The following CNTNAP5 variants were observed in gnomAD, a reference collection of about 807,000 sequenced individuals.
CNTNAP5 encodes contactin-associated protein-like 5.
CNTNAP5 carries 72 observed loss-of-function variants against 150.2 expected under a neutral mutation model. The observed-to-expected ratio is 0.48, with a 90% CI of 0.40 to 0.58. The LOEUF (loss-of-function observed/expected upper bound fraction) is 0.58. Among genes scored for constraint, CNTNAP5 ranks in the 20% least tolerant of loss-of-function variants. The pLI is 0.00. For synonymous variants in CNTNAP5, 672 were observed against 619.8 expected (o/e 1.08, Z -1.25); for missense variants, 1,636 against 1,626.2 (o/e 1.01, Z -0.10).
At chr2:124,051,720 A>G (rs1681701921) in intron 1 of CNTNAP5, among the ~76,000 whole-genome samples, 1 of 152,178 alleles carries the variant, frequency 6.6e-6, no homozygotes, top group Admixed American at 6.6e-5. Context: ...TCACTTGCAA[A>G]ATGGCTATAG....
At chr2:124,457,571 G>A (rs549038335) in intron 6 of CNTNAP5, among the ~76,000 whole-genome samples, 9 of 152,082 alleles carry the variant, frequency 5.9e-5, no homozygotes, top group Non-Finnish European at 1.0e-4. Context: ...AAGTTCCAGG[G>A]TACATGTATA....
intron 5 of CNTNAP5, among the ~76,000 whole-genome samples, chr2:124,438,635 C>T (rs1323438875): frequency 1.3e-5 from 2 of 152,072 alleles, no homozygotes; most frequent in African/African-American, 4.8e-5. Flanking sequence ...ACTGAGATGC[C>T]AGAGAAAGTT....
intron 1 of CNTNAP5, among the ~76,000 whole-genome samples, chr2:124,196,778 A>G (rs1023644076): frequency 6.6e-6 from 1 of 152,218 alleles, no homozygotes; most frequent in Non-Finnish European, 1.5e-5. Flanking sequence ...AAGCTTACAC[A>G]GGGTCACACA....
intron 6 of CNTNAP5, among the ~76,000 whole-genome samples, chr2:124,467,841 T>C (rs901288666): frequency 1.3e-5 from 2 of 152,210 alleles, no homozygotes; most frequent in Non-Finnish European, 2.9e-5. Flanking sequence ...CTGGATTCAA[T>C]ATGCTCATCA....
intron 1 of CNTNAP5, among the ~76,000 whole-genome samples, chr2:124,167,100 A>T (rs1183915646): frequency 1.3e-5 from 2 of 152,010 alleles, no homozygotes; most frequent in African/African-American, 2.4e-5. Context: ...CTCTTCTGTA[A>T]ACTATGTCTC....
rs935519518 is a variant in CNTNAP5 at position 124,593,014 on chromosome 2, G to A, written c.1757-16787G>A. Among the ~76,000 whole-genome samples the A allele has an allele frequency of 1.3e-3, 200 of 151,202 alleles. 1 individual carries two copies. Among genetic ancestry groups the A allele is most frequent in the Non-Finnish European group, 2.0e-3 (135 of 67,806 alleles). On this transcript the variant is annotated intron_variant, in intron 11 of 23. Coordinates refer to ENST00000682447, the MANE Select transcript of CNTNAP5 (RefSeq NM_001367498.1). ...TTTTTGTTCATTGCTTCTGGATTTT[G>A]AATCATTGTTAGTAATACTTTTGCT... is the stretch of plus-strand genomic sequence containing the variant.
At chr2:124,315,299 T>C (rs550055826) in intron 3 of CNTNAP5, among the ~76,000 whole-genome samples, 3 of 152,290 alleles carry the variant, frequency 2.0e-5, no homozygotes, top group Admixed American at 2.0e-4. Flanking sequence ...CAGTTTTGGA[T>C]ACTACTTAGC....
intron 10 of CNTNAP5, among the ~76,000 whole-genome samples, chr2:124,546,856 C>T (rs1695523579): frequency 6.6e-6 from 1 of 152,090 alleles, no homozygotes; most frequent in Non-Finnish European, 1.5e-5. Context: ...CCTCCCTTTC[C>T]TAGAGATAGT....
intron 13 of CNTNAP5, among the ~76,000 whole-genome samples, chr2:124,725,635 A>AG (rs1680140756): frequency 6.6e-6 from 1 of 152,074 alleles, no homozygotes; most frequent in Non-Finnish European, 1.5e-5. Flanking sequence ...AGTATCAACT[A>AG]TAGTTATCAT....
intron 3 of CNTNAP5, among the ~76,000 whole-genome samples, chr2:124,270,991 T>A (rs551470963): frequency 3.3e-5 from 5 of 152,190 alleles, no homozygotes; most frequent in South Asian, 2.1e-4. Context: ...AGGATTTTTT[T>A]ATAGAGAGAT....
At chr2:124,497,300 G>A (rs1694172394) in intron 7 of CNTNAP5, among the ~76,000 whole-genome samples, 1 of 152,152 alleles carries the variant, frequency 6.6e-6, no homozygotes. Flanking sequence ...ACCAATGTTT[G>A]ACTAGAGGTA....
At chr2:124,153,409 T>G (rs1390339228) in intron 1 of CNTNAP5, among the ~76,000 whole-genome samples, 1 of 152,066 alleles carries the variant, frequency 6.6e-6, no homozygotes, top group African/African-American at 2.4e-5. Context: ...CAGCTCAGGC[T>G]GCTATGAAAA....
chr2:124,797,805 CAGATGTATGT>C (rs1327713813), intron 18 of CNTNAP5, among the ~76,000 whole-genome samples: 1 of 152,212 alleles, frequency 6.6e-6, no homozygotes, highest in Admixed American at 6.5e-5. Context: ...CATTATTTTG[CAGATGTATGT>C]AGAGCTGGAC....
At chr2:124,861,747 C>A (rs1677528554) in intron 19 of CNTNAP5, among the ~76,000 whole-genome samples, 2 of 152,210 alleles carry the variant, frequency 1.3e-5, no homozygotes, top group East Asian at 3.9e-4. Context: ...AAGTTTATTT[C>A]TTTTTATACA....
At chr2:124,531,636 C>T (rs1558942328) in intron 10 of CNTNAP5, among the ~76,000 whole-genome samples, 1 of 152,084 alleles carries the variant, frequency 6.6e-6, no homozygotes, top group Admixed American at 6.6e-5. Context: ...AAAGCTAAGA[C>T]CTGGAGACGT....
rs561900422 is a variant in CNTNAP5 at position 124,410,985 on chromosome 2, G to A, written c.382-6458G>A. 5.1e-4 allele frequency among the ~76,000 whole-genome samples: 78 copies of A among 151,780 alleles called. 3 individuals are homozygous for A. The South Asian group carries it at 0.013, about 25-fold the overall frequency. On this transcript the variant is annotated intron_variant, in intron 3 of 23. Coordinates refer to ENST00000682447, the MANE Select transcript of CNTNAP5 (RefSeq NM_001367498.1). ...CAACAAAATTGATAGACCGCTAGCAGGACTAATAAAGAAAAAAAGAGAGAA... is the reference window on the plus strand; with the variant it reads ...CAACAAAATTGATAGACCGCTAGCAAGACTAATAAAGAAAAAAAGAGAGAA...
intron 8 of CNTNAP5, among the ~76,000 whole-genome samples, chr2:124,507,948 T>A (rs1199925176): frequency 6.6e-6 from 1 of 152,184 alleles, no homozygotes; most frequent in African/African-American, 2.4e-5. Flanking sequence ...TGGCATCTCG[T>A]CACTTCTGTC....
chr2:124,091,313 C>T (rs1021801524), intron 1 of CNTNAP5, among the ~76,000 whole-genome samples: 6 of 152,048 alleles, frequency 3.9e-5, no homozygotes, highest in South Asian at 2.1e-4. Flanking sequence ...TAGTTAACTA[C>T]GGTGAGAAAG....
chr2:124,224,098 C>T (rs968390404), intron 2 of CNTNAP5, among the ~76,000 whole-genome samples: 1 of 152,066 alleles, frequency 6.6e-6, no homozygotes, highest in Admixed American at 6.6e-5. Context: ...TTCCTATGTT[C>T]TGAATTAATT....
Sources: allele counts gnomAD v4.1 joint callset (sites outside exome capture counted in the v4.1 genomes callset), GRCh38; gene constraint gnomAD v4.1.1; transcripts MANE v1.5; gene names NCBI Gene and HGNC (gene_info 2026-07-23, HGNC 2026-07-21).